The following NLK variants were observed in gnomAD, a reference collection of about 807,000 sequenced individuals.
NLK encodes the protein serine/threonine-protein kinase NLK.
Under a neutral mutation model 59.0 loss-of-function variants are expected in NLK, and 11 were observed. The ratio of observed to expected loss-of-function variants is 0.19; its 90% CI spans 0.12 to 0.31. The LOEUF (loss-of-function observed/expected upper bound fraction) is 0.31. Among genes scored for constraint, NLK ranks in the 10% least tolerant of loss-of-function variants. The probability of loss-of-function intolerance (pLI) is 1.00; values close to 1 mark genes in which losing one functional copy is unlikely to be tolerated. For missense variants in NLK, 410 were observed against 661.1 expected (o/e 0.62, Z 4.16); for synonymous variants, 235 against 235.9 (o/e 1.00, Z 0.03).
intron 5 of NLK, among the ~76,000 whole-genome samples, chr17:28,165,335 G>T (rs972087474): frequency 6.6e-6 from 1 of 152,088 alleles, no homozygotes; most frequent in African/African-American, 2.4e-5. Context: ...GCCATTAACT[G>T]CTTGAAGTTC....
chr17:28,043,002 G>GCAC lies in NLK; in HGVS notation c.143_145dup (p.His48dup), dbSNP rs757128638. ...TTCCACACCTCCCTCCTCCTCACCT[G>GCAC]CACCACCACCACCACCCTCAACACC... On this transcript the variant is annotated inframe_insertion, in exon 1 of 11. Transcript: ENST00000407008. 3.1e-5 allele frequency: 48 copies of GCAC among 1,556,206 alleles called. No individual in the cohort carries two copies. The highest frequency in any genetic ancestry group is 4.1e-5 in the African/African-American group (3 of 73,108).
chr17:28,186,576 G>A (rs1225736729), intron 8 of NLK, among the ~76,000 whole-genome samples: 1 of 152,136 alleles, frequency 6.6e-6, no homozygotes, highest in African/African-American at 2.4e-5. Context: ...ACATGGCTGG[G>A]GAAGCCTCAC....
In NLK at chr17:28,194,686, G is replaced by C. The variant is rs565752282; in HGVS notation, c.*50G>C. 1.4e-6 allele frequency: 2 copies of C among 1,393,334 alleles called. No homozygotes were observed. Among genetic ancestry groups the C allele is most frequent in the South Asian group, 2.7e-5 (2 of 72,754 alleles). 86.3% of individuals were successfully genotyped at this position (1,393,334 alleles called of 1,614,324 possible). On this transcript the variant is annotated 3_prime_UTR_variant, in exon 11 of 11. Transcript: ENST00000407008. The stretch of plus-strand genomic sequence containing the variant: ...AGATGTAATGTAGCTTTCCACTGGA[G>C]TCTGGGATTTGCAATTCTGGAGGTT...
At chr17:28,063,001 G>A (rs1179654719) in intron 1 of NLK, among the ~76,000 whole-genome samples, 1 of 152,138 alleles carries the variant, frequency 6.6e-6, no homozygotes, top group Non-Finnish European at 1.5e-5. Context: ...CACGATCGTG[G>A]CTCACTGTAG....
intron 1 of NLK, among the ~76,000 whole-genome samples, chr17:28,058,803 T>A (rs751725670): frequency 1.3e-5 from 2 of 151,824 alleles, no homozygotes; most frequent in Non-Finnish European, 2.9e-5. Flanking sequence ...CAATGCTGAG[T>A]TTGTATGTGA....
At chr17:28,139,962 T>TA (rs1906917280) in intron 3 of NLK, among the ~76,000 whole-genome samples, 1 of 152,122 alleles carries the variant, frequency 6.6e-6, no homozygotes, top group Non-Finnish European at 1.5e-5. Context: ...AAGGAGAGAT[T>TA]ACTTCAGGCA....
intron 1 of NLK, among the ~76,000 whole-genome samples, chr17:28,060,896 A>G (rs764667667): frequency 3.3e-5 from 5 of 152,224 alleles, no homozygotes; most frequent in Non-Finnish European, 1.5e-5. Flanking sequence ...CCTTAGATAC[A>G]AAGATATATT....
chr17:28,070,089 A>G (rs1397500714), intron 1 of NLK, among the ~76,000 whole-genome samples: 1 of 151,892 alleles, frequency 6.6e-6, no homozygotes, highest in East Asian at 2.0e-4. Context: ...TAGAAAAATT[A>G]GTGAGGCATA....
chr17:28,077,204 A>C (rs1477381653), intron 1 of NLK, among the ~76,000 whole-genome samples: 2 of 151,206 alleles, frequency 1.3e-5, no homozygotes, highest in Non-Finnish European at 2.9e-5. Context: ...TTGCTGATAA[A>C]GACGTGCTTG....
chr17:28,065,967 A>G (rs998373031), intron 1 of NLK, among the ~76,000 whole-genome samples: 3 of 152,108 alleles, frequency 2.0e-5, no homozygotes, highest in Non-Finnish European at 4.4e-5. Context: ...TCATTCCCCT[A>G]TTTCACAGAG....
chr17:28,051,276 CATTT>C (rs748408577), intron 1 of NLK, among the ~76,000 whole-genome samples: 31 of 150,496 alleles, frequency 2.1e-4, no homozygotes, highest in African/African-American at 4.2e-4. Flanking sequence ...TTCCAAATCT[CATTT>C]GTTTGTTTGT....
At chr17:28,182,457 C>T (rs907602527) in intron 7 of NLK, among the ~76,000 whole-genome samples, 1 of 152,126 alleles carries the variant, frequency 6.6e-6, no homozygotes, top group East Asian at 1.9e-4. Context: ...CCACATGAGA[C>T]CTGTTTATGT....
chr17:28,202,162 A>G, the NLK span, among the ~76,000 whole-genome samples: 791 of 152,338 alleles, frequency 5.2e-3, 12 homozygotes, highest in African/African-American at 0.018. Flanking sequence ...TTGAGAGGCT[A>G]AGGCAAGAGG....
rs1210231697 is a variant in NLK at position 28,042,880 on chromosome 17, C to T, written c.7C>T (p.Leu3Phe). 1 of 1,503,098 alleles carries T rather than the reference C, an allele frequency of 6.7e-7. No individual in the cohort carries two copies. Among genetic ancestry groups the T allele is most frequent in the African/African-American group, 1.4e-5 (1 of 71,964 alleles). 93.1% of individuals were successfully genotyped at this position (1,503,098 alleles called of 1,614,324 possible). A position where few individuals can be genotyped will look rare whatever the true frequency, so the allele number is the denominator to read the frequency against. Residue 3 changes from leucine to phenylalanine, a missense_variant, in exon 1 of 11, where the codon CTT becomes TTT. Coordinates refer to ENST00000407008, the MANE Select transcript of NLK (RefSeq NM_016231.5). MS[L>F]CGARANAKMM... ...CAAAGGGCATTTATTTTGAATGTCT[C>T]TTTGTGGCGCAAGAGCCAACGCAAA...
At chr17:28,161,079 A>G in intron 3 of NLK, 81 bp from the exon 4 acceptor site, 1 of 748,898 alleles carries the variant, frequency 1.3e-6, no homozygotes, top group East Asian at 2.5e-5. Flanking sequence ...TGAGAATGGA[A>G]GTTATTTTTT....
chr17:28,128,574 A>G (rs1906383937), intron 2 of NLK, among the ~76,000 whole-genome samples: 1 of 152,230 alleles, frequency 6.6e-6, no homozygotes, highest in Non-Finnish European at 1.5e-5. Context: ...GTCATTATTC[A>G]TCAGAGAAAT....
In NLK at chr17:28,098,840, G is replaced by A. The variant is rs539335059; in HGVS notation, c.459-23763G>A. On this transcript the variant is annotated intron_variant, in intron 1 of 10. Transcript: ENST00000407008. ...TGCGATTACAGACATGCGCCACGAC[G>A]CTCGGCTAATTTTTTATTTTTAGTA... 5.3e-5 allele frequency among the ~76,000 whole-genome samples: 8 copies of A among 151,864 alleles called. No individual in the cohort carries two copies. The South Asian group carries it at 1.5e-3, about 28-fold the overall frequency.
chr17:28,099,006 T>C (rs906106787), intron 1 of NLK, among the ~76,000 whole-genome samples: 2 of 152,140 alleles, frequency 1.3e-5, no homozygotes, highest in African/African-American at 4.8e-5. Context: ...TGTACAGGCT[T>C]ATTTTGTCTG....
chr17:28,047,194 TGTTA>T (rs1306229747), intron 1 of NLK, among the ~76,000 whole-genome samples: 2 of 152,222 alleles, frequency 1.3e-5, no homozygotes, highest in South Asian at 2.1e-4. Flanking sequence ...CATCAATAAA[TGTTA>T]GTTGTTTTTA....
Sources: gnomAD v4.1 joint callset for allele counts (sites outside exome capture counted in the v4.1 genomes callset) on GRCh38, gnomAD v4.1.1 for gene constraint, MANE v1.5 for transcripts, NCBI Gene and HGNC (gene_info 2026-07-23, HGNC 2026-07-21) for gene names.